The following LDLRAD4 variants were observed in gnomAD, a reference collection of about 807,000 sequenced individuals.
LDLRAD4 encodes the protein low density lipoprotein receptor class A domain containing 4.
A neutral mutation model predicts 17.0 loss-of-function variants in LDLRAD4; 5 were observed. The ratio of observed to expected loss-of-function variants is 0.29; its 90% CI spans 0.15 to 0.62. The LOEUF (loss-of-function observed/expected upper bound fraction) is 0.62. Ranked by LOEUF, LDLRAD4 falls within the 20% of genes least tolerant of loss-of-function variation. The pLI is 0.84. For missense variants in LDLRAD4, 340 were observed against 424.7 expected (o/e 0.80, Z 1.75); for synonymous variants, 168 against 171.8 (o/e 0.98, Z 0.17).
chr18:13,327,252 G>C (rs1393138387), intron 1 of LDLRAD4, among the ~76,000 whole-genome samples: 2 of 152,128 alleles, frequency 1.3e-5, no homozygotes, highest in Admixed American at 1.3e-4. Context: ...GTATGAACTT[G>C]TGAATCCTTC....
rs1326336994 is a variant in LDLRAD4, at chr18:13,603,652, G to A, written c.182-17465G>A. ...TGGAGCACTGCCTGGCCCACAGGAAGCGCCATCTCAGTGTTAGTTGTTGTC... is the reference window on the plus strand; with the variant it reads ...TGGAGCACTGCCTGGCCCACAGGAAACGCCATCTCAGTGTTAGTTGTTGTC... On this transcript the variant is annotated intron_variant, in intron 3 of 5. Transcript: ENST00000359446. Among the ~76,000 whole-genome samples, 4 of 152,204 alleles carry A rather than the reference G, an allele frequency of 2.6e-5. No homozygotes were observed. The East Asian group carries it at 5.8e-4, about 22-fold the overall frequency.
At chr18:13,261,563 C>G (rs559680829) in intron 1 of LDLRAD4, among the ~76,000 whole-genome samples, 14 of 152,194 alleles carry the variant, frequency 9.2e-5, no homozygotes, top group Non-Finnish European at 1.8e-4. Context: ...GGGGTTGTAT[C>G]CCTAACCTCA....
At chr18:13,347,908 G>A (rs1341829294) in intron 1 of LDLRAD4, among the ~76,000 whole-genome samples, 1 of 152,178 alleles carries the variant, frequency 6.6e-6, no homozygotes, top group Non-Finnish European at 1.5e-5. Flanking sequence ...CTCGTGCCAT[G>A]GTTTTCAGCT....
chr18:13,309,924 T>A (rs1216595920), intron 1 of LDLRAD4, among the ~76,000 whole-genome samples: 1 of 152,158 alleles, frequency 6.6e-6, no homozygotes, highest in Non-Finnish European at 1.5e-5. Context: ...CTTCAAACTG[T>A]CAATGGAACG....
chr18:13,264,880 G>A (rs1311310858), intron 1 of LDLRAD4, among the ~76,000 whole-genome samples: 2 of 152,208 alleles, frequency 1.3e-5, no homozygotes, highest in African/African-American at 2.4e-5. Flanking sequence ...CGAACCTGGA[G>A]GATTCGCAAC....
At chr18:13,524,368 A>T (rs1306469348) in intron 3 of LDLRAD4, among the ~76,000 whole-genome samples, 6 of 152,208 alleles carry the variant, frequency 3.9e-5, no homozygotes, top group African/African-American at 1.4e-4. Context: ...AATTTTTTCT[A>T]AAGAAAAATG....
intron 1 of LDLRAD4, among the ~76,000 whole-genome samples, chr18:13,376,823 T>C (rs2084948201): frequency 6.6e-6 from 1 of 152,216 alleles, no homozygotes; most frequent in Non-Finnish European, 1.5e-5. Context: ...GCTTTTCCTG[T>C]GTGAGAGCAC....
chr18:13,419,249 G>A (rs78473355), intron 2 of LDLRAD4, among the ~76,000 whole-genome samples: 3,204 of 152,230 alleles, frequency 0.021, 115 homozygotes, highest in African/African-American at 0.071. Flanking sequence ...AGGTATGCTC[G>A]TTAATGTTAA....
chr18:13,406,528 G>A lies in LDLRAD4; in HGVS notation c.40+18766G>A, dbSNP rs188794192. Among the ~76,000 whole-genome samples, 590 of 152,210 alleles carry A rather than the reference G, an allele frequency of 3.9e-3. 4 individuals are homozygous for A. Among genetic ancestry groups the A allele is most frequent in the South Asian group, 0.022 (108 of 4,802 alleles). ...CTCTGCCCCGTCGATGCCGTGGTGC[G>A]CATGATTATTATTTTGTTTACTGGG... is the stretch of plus-strand genomic sequence containing the variant. On this transcript the variant is annotated intron_variant, in intron 2 of 5. Coordinates refer to ENST00000359446, the Ensembl canonical transcript of LDLRAD4.
chr18:13,261,652 GGTT>G (rs150981493), intron 1 of LDLRAD4, among the ~76,000 whole-genome samples: 1,769 of 152,302 alleles, frequency 0.012, 75 homozygotes, highest in East Asian at 0.099. Context: ...GAAACGTAGA[GGTT>G]GTCATTAGAA....
chr18:13,479,186 T>C (rs951834678), intron 3 of LDLRAD4, among the ~76,000 whole-genome samples: 1 of 152,046 alleles, frequency 6.6e-6, no homozygotes, highest in African/African-American at 2.4e-5. Context: ...GAAGATAACA[T>C]AGGAGAAAAT....
chr18:13,571,303 A>G (rs2094687155), intron 3 of LDLRAD4, among the ~76,000 whole-genome samples: 1 of 152,226 alleles, frequency 6.6e-6, no homozygotes, highest in Non-Finnish European at 1.5e-5. Context: ...GGGAGCCACT[A>G]AGTTCAGCAC....
At chr18:13,384,612 C>G (rs1211139838) in intron 1 of LDLRAD4, among the ~76,000 whole-genome samples, 1 of 152,168 alleles carries the variant, frequency 6.6e-6, no homozygotes. Context: ...TTCTACCCTC[C>G]TTCTGTGAGA....
intron 3 of LDLRAD4, among the ~76,000 whole-genome samples, chr18:13,617,425 T>C (rs1019859319): frequency 6.6e-6 from 1 of 152,106 alleles, no homozygotes; most frequent in Admixed American, 6.5e-5. Context: ...AACATAAAAT[T>C]CAAACTCCAA....
chr18:13,291,698 C>T (rs1401437259), intron 1 of LDLRAD4, among the ~76,000 whole-genome samples: 11 of 152,102 alleles, frequency 7.2e-5, no homozygotes, highest in Middle Eastern at 3.2e-3. Context: ...TAAGTGTGAT[C>T]GATCTTTAAA....
intron 3 of LDLRAD4, among the ~76,000 whole-genome samples, chr18:13,449,619 A>G (rs890722265): frequency 6.6e-6 from 1 of 152,246 alleles, no homozygotes; most frequent in African/African-American, 2.4e-5. Flanking sequence ...CCCCTGAGCC[A>G]GGCTGTCTGC....
intron 1 of LDLRAD4, among the ~76,000 whole-genome samples, chr18:13,247,544 T>G (rs2043016355): frequency 6.6e-6 from 1 of 152,182 alleles, no homozygotes. Flanking sequence ...CGGTAAAAAT[T>G]TCAAACTCTG....
intron 1 of LDLRAD4, among the ~76,000 whole-genome samples, chr18:13,287,131 G>A (rs536764344): frequency 6.6e-5 from 10 of 152,138 alleles, no homozygotes; most frequent in African/African-American, 2.4e-5. Flanking sequence ...GGTGTCACCC[G>A]CAACAGCACA....
chr18:13,244,948 G>A (rs565236012), intron 1 of LDLRAD4, among the ~76,000 whole-genome samples: 9 of 152,326 alleles, frequency 5.9e-5, no homozygotes, highest in South Asian at 4.1e-4. Flanking sequence ...AAGCAAGAGC[G>A]CAGAATCATC....
Sources: allele counts gnomAD v4.1 joint callset (sites outside exome capture counted in the v4.1 genomes callset), GRCh38; gene constraint gnomAD v4.1.1; transcripts MANE v1.5; gene names NCBI Gene and HGNC (gene_info 2026-07-23, HGNC 2026-07-21).